Variants in SLC37A1 observed in about 807,000 individuals in gnomAD.
SLC37A1 encodes the protein solute carrier family 37 member 1.
A neutral mutation model predicts 75.3 loss-of-function variants in SLC37A1; 49 were observed. The ratio of observed to expected loss-of-function variants is 0.65; its 90% CI spans 0.52 to 0.83. The LOEUF is 0.83. Ranked by LOEUF, SLC37A1 falls within the 40% of genes least tolerant of loss-of-function variation. SLC37A1 has a pLI of 0.00. For missense variants in SLC37A1, 566 were observed against 695.0 expected (o/e 0.81, Z 2.09); for synonymous variants, 268 against 292.1 (o/e 0.92, Z 0.84).
At chr21:42,560,869 A>G (rs73375822) in intron 11 of SLC37A1, among the ~76,000 whole-genome samples, 4,865 of 152,350 alleles carry the variant, frequency 0.032, 263 homozygotes, top group African/African-American at 0.11. Flanking sequence ...AGGTTTTTAT[A>G]TAGTGGAGGT....
At position 42,552,295 on chromosome 21, in the gene SLC37A1, C is replaced by A. The variant is rs1266726976; in HGVS notation, c.769-1767C>A. The stretch of plus-strand genomic sequence containing the variant: ...TCAAAATTAATGTTTTTATTAATAT[C>A]TTCAGATTAGTTGGGGTTGTGTTCA... On this transcript the variant is annotated intron_variant, in intron 9 of 19. Transcript: ENST00000352133. The surrounding 1 kb of genome is among the most constrained non-coding windows in gnomAD (Gnocchi z 4.2). Among the ~76,000 whole-genome samples the A allele has an allele frequency of 6.6e-6, 1 of 152,122 alleles. No individual in the cohort carries two copies. The highest frequency in any genetic ancestry group is 1.5e-5 in the Non-Finnish European group (1 of 68,022).
intron 18 of SLC37A1, chr21:42,575,989 G>A (rs1297750205): frequency 1.0e-6 from 1 of 977,232 alleles, no homozygotes; most frequent in Non-Finnish European, 1.2e-6. Flanking sequence ...AGAACTATCT[G>A]GTAATATATA....
chr21:42,519,795 G>A (rs2054601167), intron 2 of SLC37A1, among the ~76,000 whole-genome samples: 1 of 152,158 alleles, frequency 6.6e-6, no homozygotes, highest in African/African-American at 2.4e-5. Flanking sequence ...TGAACACTTA[G>A]GTTTTATTTA....
At chr21:42,504,721 T>C (rs1428059475) in intron 2 of SLC37A1, among the ~76,000 whole-genome samples, 4 of 152,194 alleles carry the variant, frequency 2.6e-5, no homozygotes, top group African/African-American at 7.2e-5. Flanking sequence ...TTATTGCTTA[T>C]GCTTCCTCCC....
intron 16 of SLC37A1, among the ~76,000 whole-genome samples, chr21:42,567,675 A>G (rs989859863): frequency 1.3e-5 from 2 of 152,172 alleles, no homozygotes; most frequent in Non-Finnish European, 2.9e-5. Flanking sequence ...TATTACGTGC[A>G]TATACAAGCA....
intron 18 of SLC37A1, 83 bp from the exon 19 acceptor site, chr21:42,579,653 G>A: frequency 6.7e-7 from 1 of 1,500,448 alleles, no homozygotes; most frequent in Non-Finnish European, 9.2e-7. Flanking sequence ...AGGCCTTGCG[G>A]GCCAGGTCCT....
exon 2 of SLC37A1, chr21:42,502,340 C>T (rs1343694893): frequency 6.6e-6 from 1 of 152,180 alleles, no homozygotes; most frequent in East Asian, 1.9e-4. Flanking sequence ...CATGTTGCTG[C>T]ATTGCCTCCG....
At chr21:42,520,314 G>A (rs770517738) in intron 2 of SLC37A1, among the ~76,000 whole-genome samples, 6 of 151,836 alleles carry the variant, frequency 4.0e-5, no homozygotes, top group Non-Finnish European at 7.4e-5. Context: ...ACTGTTCCTC[G>A]GCCTTTTTTC....
intron 1 of SLC37A1, among the ~76,000 whole-genome samples, chr21:42,516,802 A>T (rs1235708740): frequency 6.6e-6 from 1 of 152,110 alleles, no homozygotes; most frequent in Non-Finnish European, 1.5e-5. Flanking sequence ...GGACATGGAG[A>T]AGCAGCACTT....
Position 42,545,649 on chromosome 21 carries a change from G to A in SLC37A1, c.731-1454G>A. Among the ~76,000 whole-genome samples the A allele has an allele frequency of 6.6e-6, 1 of 152,234 alleles. No individual in the cohort carries two copies. The highest frequency in any genetic ancestry group is 1.9e-4 in the East Asian group (1 of 5,188). ...GGACGTGTGTGCCCAAGTCCCTGAA[G>A]GTGAAAGTCCAGGAAGAGCCATATC... On this transcript the variant is annotated intron_variant, in intron 8 of 19. Coordinates refer to ENST00000352133, the MANE Select transcript of SLC37A1 (RefSeq NM_001320537.2). The surrounding 1 kb of genome is among the most constrained non-coding windows in gnomAD (Gnocchi z 4.0).
rs968053622 is a variant in SLC37A1, at chr21:42,513,964, C to T, written c.-932C>T. 2.1e-5 allele frequency: 3 copies of T among 145,736 alleles called. No homozygotes were observed. Among genetic ancestry groups the T allele is most frequent in the African/African-American group, 7.4e-5 (3 of 40,598 alleles). 9.0% of individuals were successfully genotyped at this position (145,736 alleles called of 1,614,324 possible). Reference sequence around the variant, plus strand: ...CGGGGCCGGACCGGGAGGCGGGGACCCCCCGCCCCCCCGCCCGCACCTGCG... The same window carrying T: ...CGGGGCCGGACCGGGAGGCGGGGACTCCCCGCCCCCCCGCCCGCACCTGCG... On this transcript the variant is annotated 5_prime_UTR_variant, in exon 1 of 20. Transcript: ENST00000352133.
intron 3 of SLC37A1, 116 bp from the exon 4 acceptor site, chr21:42,534,582 A>G: frequency 1.5e-6 from 2 of 1,310,408 alleles, no homozygotes; most frequent in Admixed American, 2.2e-5. Flanking sequence ...TGCAGGGTGC[A>G]GGTGCCCTGG....
At chr21:42,517,837 G>A (rs1318849446) in intron 1 of SLC37A1, among the ~76,000 whole-genome samples, 3 of 152,184 alleles carry the variant, frequency 2.0e-5, no homozygotes, top group Admixed American at 2.0e-4. Flanking sequence ...CTCTTGTCTA[G>A]GCCCACATTT....
At chr21:42,503,579 G>T (rs763784329) in intron 2 of SLC37A1, among the ~76,000 whole-genome samples, 6 of 152,178 alleles carry the variant, frequency 3.9e-5, no homozygotes, top group South Asian at 4.1e-4. Context: ...ACAATGTGTC[G>T]GGTGTCTTTT....
chr21:42,543,574 G>T lies in SLC37A1; in HGVS notation c.702G>T (p.Gly234=), dbSNP rs781587960. ...VVPGAIVAAM[G]IVCFLFLIEH... ...CTGGAGCCATCGTGGCAGCCATGGG[G>T]ATAGTGTGCTTTCTCTTCCTCATTG... Residue 234 remains glycine, a synonymous_variant, in exon 8 of 20, where the codon GGG becomes GGT. Coordinates refer to ENST00000352133, the MANE Select transcript of SLC37A1 (RefSeq NM_001320537.2). The T allele has an allele frequency of 1.2e-6, 2 of 1,610,902 alleles. No homozygotes were observed. Among genetic ancestry groups the T allele is most frequent in the Middle Eastern group, 1.7e-4 (1 of 6,036 alleles).
Position 42,540,932 on chromosome 21 carries a change from C to G in SLC37A1, c.486+1285C>G, listed in dbSNP as rs548492363. ...ATGTTTCTGGAGTGAAGGCCCAGCC[C>G]GGTCAGCCCAGAGGCAGCAACAGTT... On this transcript the variant is annotated intron_variant, in intron 6 of 19. Coordinates refer to ENST00000352133, the MANE Select transcript of SLC37A1 (RefSeq NM_001320537.2). Among the ~76,000 whole-genome samples, 64 of 152,310 alleles carry G rather than the reference C, an allele frequency of 4.2e-4. 1 individual carries two copies. In the East Asian group the frequency reaches 0.011, roughly 27 times the overall value.
chr21:42,567,155 T>G, intron 16 of SLC37A1, 97 bp downstream of exon 16: 1 of 1,328,844 alleles, frequency 7.5e-7, no homozygotes, highest in Non-Finnish European at 1.1e-6. Flanking sequence ...AAACTGCATT[T>G]GCAGAAGCAC....
chr21:42,512,223 T>TG (rs796357436), upstream of SLC37A1, among the ~76,000 whole-genome samples: 1,045 of 81,010 alleles, frequency 0.013, 6 homozygotes, highest in African/African-American at 0.02. Context: ...TACAACTGGG[T>TG]GGGGGGGAGG....
At chr21:42,511,554 G>A (rs1601651029), upstream of SLC37A1, among the ~76,000 whole-genome samples, 2 of 152,236 alleles carry the variant, frequency 1.3e-5, no homozygotes, top group African/African-American at 2.4e-5. Context: ...GGGAGGCTAA[G>A]GCAGGAAGAC....
Sources: allele counts gnomAD v4.1 joint callset (sites outside exome capture counted in the v4.1 genomes callset), GRCh38; gene constraint gnomAD v4.1.1; non-coding constraint Gnocchi (gnomAD v3.1); transcripts MANE v1.5; gene names NCBI Gene and HGNC (gene_info 2026-07-23, HGNC 2026-07-21).